KCNU1: variants seen among roughly 807,000 people sequenced by gnomAD.
The protein encoded by KCNU1 is potassium channel subfamily U member 1.
A neutral mutation model predicts 126.8 loss-of-function variants in KCNU1; 93 were observed. The ratio of observed to expected loss-of-function variants is 0.73; its 90% confidence interval spans 0.62 to 0.87. The LOEUF (loss-of-function observed/expected upper bound fraction) is 0.87. KCNU1 is among the 40% of genes least tolerant of loss of function. The pLI, the probability that KCNU1 is intolerant of heterozygous loss-of-function variation, is 0.00. For synonymous variants in KCNU1, 523 were observed against 494.2 expected (o/e 1.06, Z -0.77); for missense variants, 1,330 against 1,367.1 (o/e 0.97, Z 0.43).
In KCNU1 at chr8:36,902,861, G is replaced by T. The variant is rs115966814; in HGVS notation, c.2010-2847G>T. The stretch of plus-strand genomic sequence containing the variant: ...TTGGAACTTGGTGTTGGAGCACATG[G>T]CTTATAGATAGATATTTAAGTTGCC... On this transcript the variant is annotated intron_variant, in intron 19 of 26. Transcript: ENST00000399881. Among the ~76,000 whole-genome samples the T allele has an allele frequency of 5.9e-3, 898 of 152,152 alleles. 13 individuals are homozygous for T. Among genetic ancestry groups the T allele is most frequent in the African/African-American group, 0.021 (858 of 41,508 alleles).
At chr8:36,835,192 C>G (rs139774468) in intron 12 of KCNU1, among the ~76,000 whole-genome samples, 4 of 152,082 alleles carry the variant, frequency 2.6e-5, no homozygotes, top group Admixed American at 2.6e-4. Flanking sequence ...AACTAATATC[C>G]TCTCCTCAAA....
At position 36,884,765 on chromosome 8, in the gene KCNU1, A is replaced by T. The variant is rs191856367; in HGVS notation, c.2009+20244A>T. On this transcript the variant is annotated intron_variant, in intron 19 of 26. Transcript: ENST00000399881. ...CATCTCAAAAAAATAAAAAATAAAAATAAAAACCAGGAAAAAAAAAAGAAA... is the reference window on the plus strand; with the variant it reads ...CATCTCAAAAAAATAAAAAATAAAATTAAAAACCAGGAAAAAAAAAAGAAA... Among the ~76,000 whole-genome samples the T allele has an allele frequency of 2.6e-3, 396 of 152,124 alleles. 3 individuals carry two copies. The highest frequency in any genetic ancestry group is 9.2e-3 in the African/African-American group (381 of 41,498).
intron 19 of KCNU1, among the ~76,000 whole-genome samples, chr8:36,868,270 C>A (rs939619757): frequency 1.1e-4 from 17 of 151,958 alleles, no homozygotes; most frequent in African/African-American, 4.1e-4. Context: ...AAAGGGAGTT[C>A]CAGCTAGCAA....
chr8:36,901,242 A>G lies in KCNU1; in HGVS notation c.2010-4466A>G, dbSNP rs747997812. Among the ~76,000 whole-genome samples, 52 of 152,264 alleles carry G rather than the reference A, an allele frequency of 3.4e-4. No homozygotes were observed. The Middle Eastern group carries it at 0.01, about 30-fold the overall frequency. ...TCTTGGAAACCATGCCTCCTGAACTAGCACAGTGAAACCTAGTCCACCTTC... is the reference window on the plus strand; with the variant it reads ...TCTTGGAAACCATGCCTCCTGAACTGGCACAGTGAAACCTAGTCCACCTTC... On this transcript the variant is annotated intron_variant, in intron 19 of 26. Transcript: ENST00000399881.
At chr8:36,871,806 T>A (rs534086115) in intron 19 of KCNU1, among the ~76,000 whole-genome samples, 1 of 152,332 alleles carries the variant, frequency 6.6e-6, no homozygotes, top group East Asian at 1.9e-4. Flanking sequence ...GATCATTTAC[T>A]GAGTGCATAT....
rs1373807791 is a variant in KCNU1 at position 36,858,157 on chromosome 8, A to G, written c.1892-6247A>G. Among the ~76,000 whole-genome samples, 3 of 149,470 alleles carry G rather than the reference A, an allele frequency of 2.0e-5. No homozygotes were observed. In the Admixed American group the frequency reaches 2.0e-4, roughly 10 times the overall value. ...TCTTTGTACTTCCCCTTGAAAGTCTAAGACAATTTCAAGGATGGCAAAAAA... is the reference window on the plus strand; with the variant it reads ...TCTTTGTACTTCCCCTTGAAAGTCTGAGACAATTTCAAGGATGGCAAAAAA... On this transcript the variant is annotated intron_variant, in intron 18 of 26. Coordinates refer to ENST00000399881, the MANE Select transcript of KCNU1 (RefSeq NM_001031836.3).
At chr8:36,825,369 G>A (rs1804280464) in intron 10 of KCNU1, among the ~76,000 whole-genome samples, 1 of 152,124 alleles carries the variant, frequency 6.6e-6, no homozygotes, top group Non-Finnish European at 1.5e-5. Context: ...TGTGATTCGA[G>A]CCTTTGTCAG....
rs1396207214 is a variant in KCNU1, at chr8:36,834,864, A to G, written c.1291A>G (p.Met431Val). ...CCATGCTGAAGATATTTCCAACATT[A>G]TGAGGTAAGAAGCTGTGTTTTGTAT... is the stretch of plus-strand genomic sequence containing the variant. Reference protein sequence around the residue: ...DSHAEDISNIMRVLSIKNYDS... With the variant: ...DSHAEDISNIVRVLSIKNYDS... The change falls in exon 12 of 27, where the codon ATG (methionine) becomes GTG (valine). Residue 431 changes from methionine (M) to valine (V), a missense_variant. Coordinates refer to ENST00000399881, the MANE Select transcript of KCNU1 (RefSeq NM_001031836.3). The G allele has an allele frequency of 6.2e-7, 1 of 1,603,650 alleles. No individual in the cohort carries two copies. Among genetic ancestry groups the G allele is most frequent in the African/African-American group, 1.3e-5 (1 of 74,746 alleles).
At chr8:36,799,540 A>ATT (rs953689276) in intron 2 of KCNU1, among the ~76,000 whole-genome samples, 1 of 141,934 alleles carries the variant, frequency 7.0e-6, no homozygotes, top group African/African-American at 2.6e-5. Context: ...CCTCCCTGCC[A>ATT]TTTTTTTTTT....
intron 19 of KCNU1, among the ~76,000 whole-genome samples, chr8:36,895,205 A>G (rs1807137887): frequency 6.6e-6 from 1 of 151,870 alleles, no homozygotes; most frequent in Admixed American, 6.6e-5. Flanking sequence ...CAGACTTCCA[A>G]GTAACTGGGA....
chr8:36,883,591 C>T (rs1455119904), intron 19 of KCNU1, among the ~76,000 whole-genome samples: 3 of 152,076 alleles, frequency 2.0e-5, no homozygotes, highest in East Asian at 3.9e-4. Context: ...CAAGACCAGC[C>T]TGGGCAACAT....
intron 18 of KCNU1, among the ~76,000 whole-genome samples, chr8:36,848,590 T>G (rs1348923845): frequency 2.0e-5 from 3 of 152,278 alleles, no homozygotes; most frequent in Non-Finnish European, 4.4e-5. Flanking sequence ...GTCATTTTAG[T>G]CTGTCTGCTG....
chr8:36,823,297 T>G (rs1804195966), intron 10 of KCNU1, among the ~76,000 whole-genome samples: 1 of 152,184 alleles, frequency 6.6e-6, no homozygotes, highest in African/African-American at 2.4e-5. Context: ...GTCCTACTGC[T>G]CAGAGACAAC....
At chr8:36,888,571 G>A (rs772772581) in intron 19 of KCNU1, 1 of 533,902 alleles carries the variant, frequency 1.9e-6, no homozygotes, top group Admixed American at 1.9e-5. Context: ...GCCTGGAAGT[G>A]GAGCAGAAGA....
At chr8:36,893,995 C>T (rs898405439) in intron 19 of KCNU1, among the ~76,000 whole-genome samples, 1 of 152,042 alleles carries the variant, frequency 6.6e-6, no homozygotes, top group Admixed American at 6.6e-5. Context: ...TTTTAATCTG[C>T]AAGCCAAAAA....
At chr8:36,931,763 G>A (rs1375292887) in intron 25 of KCNU1, among the ~76,000 whole-genome samples, 1 of 152,062 alleles carries the variant, frequency 6.6e-6, no homozygotes, top group African/African-American at 2.4e-5. Flanking sequence ...GAAGACTTCT[G>A]TACGTGGGTC....
intron 19 of KCNU1, among the ~76,000 whole-genome samples, chr8:36,877,558 C>T (rs1585497923): frequency 6.6e-6 from 1 of 152,096 alleles, no homozygotes; most frequent in East Asian, 1.9e-4. Flanking sequence ...CTGCCTCGGC[C>T]TCCCAAAGTG....
rs16885459 is a variant in KCNU1, at chr8:36,821,186, A to G, written c.1106+3426A>G. Among the ~76,000 whole-genome samples the G allele has an allele frequency of 6.2e-3, 942 of 152,334 alleles. 11 individuals carry two copies. The highest frequency in any genetic ancestry group is 0.02 in the African/African-American group (827 of 41,580). On this transcript the variant is annotated intron_variant, in intron 10 of 26. Coordinates refer to ENST00000399881, the MANE Select transcript of KCNU1 (RefSeq NM_001031836.3). The stretch of plus-strand genomic sequence containing the variant: ...ATAGACCTTTTGTTAAAGAAAGGGA[A>G]GCATGATGACTCAGGATCAGAGGAC...
intron 2 of KCNU1, among the ~76,000 whole-genome samples, chr8:36,787,654 T>G (rs1402756971): frequency 1.3e-5 from 2 of 148,228 alleles, no homozygotes; most frequent in African/African-American, 4.9e-5. Context: ...TAGATTATAT[T>G]ATTATAATAA....
Sources: gnomAD v4.1 joint callset for allele counts (sites outside exome capture counted in the v4.1 genomes callset) on GRCh38, gnomAD v4.1.1 for gene constraint, MANE v1.5 for transcripts, NCBI Gene and HGNC (gene_info 2026-07-23, HGNC 2026-07-21) for gene names.